Variants in C1QTNF6 observed in about 807,000 individuals in gnomAD.
C1QTNF6 encodes the protein complement C1q tumor necrosis factor-related protein 6.
C1QTNF6 carries 17 observed loss-of-function variants against 20.7 expected under a neutral mutation model. The ratio of observed to expected loss-of-function variants is 0.82; its 90% CI spans 0.56 to 1.23. C1QTNF6 has a LOEUF of 1.23. Ranked by LOEUF, C1QTNF6 falls within the 50% of genes most tolerant of loss-of-function variation. The probability of loss-of-function intolerance (pLI) is 0.00; values close to 1 mark genes in which losing one functional copy is unlikely to be tolerated. For synonymous variants in C1QTNF6, 130 were observed against 156.3 expected (o/e 0.83, Z 1.25); for missense variants, 329 against 389.7 (o/e 0.84, Z 1.31).
intron 1 of C1QTNF6, chr22:37,185,668 C>A: frequency 7.9e-7 from 1 of 1,265,674 alleles, no homozygotes; most frequent in Non-Finnish European, 1.0e-6. Flanking sequence ...CAGGGCAGGG[C>A]CTGCATGCTG....
At chr22:37,196,813 C>A (rs1925164403) in intron 1 of C1QTNF6, 2 of 152,252 alleles carry the variant, frequency 1.3e-5, no homozygotes, top group Admixed American at 6.5e-5. Context: ...CCCATTCCCC[C>A]ACTCACAGCT....
rs1484653948 is a variant in C1QTNF6 at position 37,184,372 on chromosome 22, G to A, written c.289+846C>T. On this transcript the variant is annotated intron_variant, in intron 2 of 2. Transcript: ENST00000337843. This position sits in a 1 kb window ranked among gnomAD's most constrained non-coding sequence, Gnocchi z 4.0. Reference sequence around the variant, plus strand: ...GTTGTGGGCAGAGACGGACGCTAAGGATGTCAAGGCCTGGTCACAGCCGTC... The same window carrying A: ...GTTGTGGGCAGAGACGGACGCTAAGAATGTCAAGGCCTGGTCACAGCCGTC... The A allele has an allele frequency of 1.4e-6, 1 of 717,212 alleles. No individual in the cohort carries two copies. Among genetic ancestry groups the A allele is most frequent in the African/African-American group, 1.7e-5 (1 of 57,236 alleles). The allele number at this position is 717,212 out of a possible 1,614,324, so 44.4% of individuals were successfully genotyped here.
chr22:37,187,016 G>A (rs535444318), intron 1 of C1QTNF6, among the ~76,000 whole-genome samples: 1 of 152,182 alleles, frequency 6.6e-6, no homozygotes, highest in Admixed American at 6.5e-5. Context: ...CGGAGTTCGA[G>A]ACCAGTCTGG....
chr22:37,182,292 A>C lies in C1QTNF6; in HGVS notation c.733T>G (p.Trp245Gly), dbSNP rs762143456. 3.1e-6 allele frequency: 5 copies of C among 1,614,224 alleles called. No individual in the cohort carries two copies. In the East Asian group the frequency reaches 1.1e-4, roughly 36 times the overall value. The change falls in exon 3 of 3, where the codon TGG (tryptophan) becomes GGG (glycine). Residue 245 changes from tryptophan to glycine, a missense_variant. By Grantham distance (184) the Trp-to-Gly change is radical. Coordinates refer to ENST00000337843, the MANE Select transcript of C1QTNF6 (RefSeq NM_031910.4). ...MLDLAYGDRV[W>G]VRLFKRQREN... ...CGCTGGCGCTTGAAGAGCCGCACCC[A>C]GACGCGGTCCCCGTAGGCCAGGTCC...
chr22:37,186,006 G>A (rs757611618), intron 1 of C1QTNF6: 6 of 985,604 alleles, frequency 6.1e-6, no homozygotes, highest in Non-Finnish European at 7.2e-6. Flanking sequence ...GAGAGGGGAT[G>A]GGTGGCCGAG....
chr22:37,187,885 C>T lies in C1QTNF6; in HGVS notation c.51+278G>A, dbSNP rs1450781165. ...GTCCTTGCTGCTTCCACTGGGACCTCTTTGGGGAGGGAGCGGCAGGGCAAC... is the reference window on the plus strand; with the variant it reads ...GTCCTTGCTGCTTCCACTGGGACCTTTTTGGGGAGGGAGCGGCAGGGCAAC... On this transcript the variant is annotated intron_variant, in intron 1 of 2. Coordinates refer to ENST00000337843, the MANE Select transcript of C1QTNF6 (RefSeq NM_031910.4). Among the ~76,000 whole-genome samples the T allele has an allele frequency of 2.6e-5, 4 of 151,950 alleles. No individual in the cohort carries two copies. The East Asian group carries it at 7.7e-4, about 29-fold the overall frequency.
chr22:37,188,259 G>A (rs767116854), upstream of C1QTNF6: 1 of 1,554,270 alleles, frequency 6.4e-7, no homozygotes, highest in South Asian at 1.2e-5. Flanking sequence ...ACTTGTTGCT[G>A]GCCCAGACCC....
Position 37,188,173 on chromosome 22 carries a change from G to A in C1QTNF6, c.41C>T (p.Thr14Ile), listed in dbSNP as rs569624873. 2.5e-6 allele frequency: 4 copies of A among 1,610,200 alleles called. No individual in the cohort carries two copies. Among genetic ancestry groups the A allele is most frequent in the South Asian group, 2.2e-5 (2 of 90,442 alleles). ...CCTCTGGTCACTCACCCTGTGTCCT[G>A]TGGCCTCCCCAGGCGACTCACGGAC... ...LRVRESPGEA[T>I]GHRVTMGTAA... The change falls in exon 1 of 3, where the codon ACA (threonine) becomes ATA (isoleucine). Residue 14 changes from threonine (T) to isoleucine (I), a missense_variant. Coordinates refer to ENST00000337843, the MANE Select transcript of C1QTNF6 (RefSeq NM_031910.4).
At chr22:37,199,255 C>CT (rs1419063178), upstream of C1QTNF6, 1 of 152,388 alleles carries the variant, frequency 6.6e-6, no homozygotes, top group Admixed American at 6.5e-5. Flanking sequence ...TCTCCACCCG[C>CT]TTCCCCCTCA....
chr22:37,184,482 C>A lies in C1QTNF6; in HGVS notation c.289+736G>T, dbSNP rs971351737. On this transcript the variant is annotated intron_variant, in intron 2 of 2. Transcript: ENST00000337843. This position sits in a 1 kb window ranked among gnomAD's most constrained non-coding sequence, Gnocchi z 4.0. ...CCAGCCCGCACCTGGACGGCCCTCA[C>A]CTGGATGCCTTTCACCTGGACGGGC... The A allele has an allele frequency of 5.6e-6, 4 of 714,996 alleles. No homozygotes were observed. In the Admixed American group the frequency reaches 6.0e-5, roughly 11 times the overall value. 44.3% of individuals were successfully genotyped at this position (714,996 alleles called of 1,614,324 possible).
upstream of C1QTNF6, among the ~76,000 whole-genome samples, chr22:37,191,186 CT>C (rs1924800438): frequency 6.6e-6 from 1 of 152,100 alleles, no homozygotes; most frequent in Non-Finnish European, 1.5e-5. Context: ...GACAGAAAGA[CT>C]TAGAGCAGTC....
chr22:37,188,222 G>A lies in C1QTNF6; in HGVS notation c.-9C>T. 1.2e-6 allele frequency: 2 copies of A among 1,602,246 alleles called. No homozygotes were observed. The highest frequency in any genetic ancestry group is 2.7e-5 in the African/African-American group (2 of 74,590). On this transcript the variant is annotated 5_prime_UTR_variant, in exon 1 of 3. Coordinates refer to ENST00000337843, the MANE Select transcript of C1QTNF6 (RefSeq NM_031910.4). ...ACCCTGAGCCACTGCATGGCCTCTG[G>A]CTCCTTGGCCCATGTCTGCAATACT...
In C1QTNF6 at chr22:37,182,134, A is replaced by C; in HGVS notation, c.*54T>G. On this transcript the variant is annotated 3_prime_UTR_variant, in exon 3 of 3. Transcript: ENST00000337843. ...CACAGCAGTGCAAACTGAGCCCTGC[A>C]GGGGACGGGACCAGCACCTGAGCTC... 2 of 1,544,578 alleles carry C rather than the reference A, an allele frequency of 1.3e-6. 1 individual carries two copies.
At position 37,184,667 on chromosome 22, in the gene C1QTNF6, T is replaced by C. The variant is rs1924133943; in HGVS notation, c.289+551A>G. Among the ~76,000 whole-genome samples, 1 of 152,080 alleles carries C rather than the reference T, an allele frequency of 6.6e-6. No individual in the cohort carries two copies. Among genetic ancestry groups the C allele is most frequent in the South Asian group, 2.1e-4 (1 of 4,828 alleles). The stretch of plus-strand genomic sequence containing the variant: ...AAACCTGGGTGGGATCAAGTCCCTG[T>C]CCCACCCAAACCTGCCCCTGTTCCC... On this transcript the variant is annotated intron_variant, in intron 2 of 2. Transcript: ENST00000337843. The surrounding 1 kb of genome is among the most constrained non-coding windows in gnomAD (Gnocchi z 4.0).
At chr22:37,183,078 GC>G in intron 2 of C1QTNF6, 1 of 316,712 alleles carries the variant, frequency 3.2e-6, no homozygotes, top group Non-Finnish European at 4.6e-6. Flanking sequence ...CCAGGCCCAG[GC>G]CCCCACCCCA....
chr22:37,185,308 C>T lies in C1QTNF6; in HGVS notation c.199G>A (p.Asp67Asn), dbSNP rs1924206790. ...QRCCDSEDPL[D>N]PAHVSSASSS... ...GAGGCTGAGGATACATGGGCAGGATCCAGGGGGTCCTCAGAGTCACAGCAC... is the reference window on the plus strand; with the variant it reads ...GAGGCTGAGGATACATGGGCAGGATTCAGGGGGTCCTCAGAGTCACAGCAC... Residue 67 changes from aspartate (D) to asparagine (N), a missense_variant, in exon 2 of 3, where the codon GAT (aspartate) becomes AAT (asparagine). Transcript: ENST00000337843. 6.2e-7 allele frequency: 1 copy of T among 1,613,352 alleles called. No individual in the cohort carries two copies. Among genetic ancestry groups the T allele is most frequent in the African/African-American group, 1.3e-5 (1 of 75,010 alleles).
chr22:37,188,348 C>G (rs1000110474), upstream of C1QTNF6: 1 of 724,172 alleles, frequency 1.4e-6, no homozygotes, highest in Non-Finnish European at 2.1e-6. Flanking sequence ...AGGGCAGAGC[C>G]GCTTCCCACT....
chr22:37,194,227 G>T (rs1925001282), intron 2 of C1QTNF6, among the ~76,000 whole-genome samples: 1 of 152,176 alleles, frequency 6.6e-6, no homozygotes, highest in South Asian at 2.1e-4. Context: ...GGGCCAACTT[G>T]AATAATGGGC....
At chr22:37,191,802 GA>G (rs1440789754), upstream of C1QTNF6, 1 of 152,108 alleles carries the variant, frequency 6.6e-6, no homozygotes, top group East Asian at 1.9e-4. Context: ...ACTTGTTCAA[GA>G]GAGAAAGCCA....
Sources: gnomAD v4.1 joint callset for allele counts (sites outside exome capture counted in the v4.1 genomes callset) on GRCh38, gnomAD v4.1.1 for gene constraint, Gnocchi (gnomAD v3.1) non-coding constraint, MANE v1.5 for transcripts, NCBI Gene and HGNC (gene_info 2026-07-23, HGNC 2026-07-21) for gene names.